The following HNRNPA2B1 variants were observed in gnomAD, a reference collection of about 807,000 sequenced individuals.
HNRNPA2B1 encodes heterogeneous nuclear ribonucleoprotein A2/B1.
A neutral mutation model predicts 46.3 loss-of-function variants in HNRNPA2B1; 3 were observed. That is an observed-to-expected ratio of 0.06 (90% confidence interval 0.03 to 0.17). HNRNPA2B1 has a LOEUF of 0.17. Ranked by LOEUF, HNRNPA2B1 falls within the 10% of genes least tolerant of loss-of-function variation. HNRNPA2B1 has a pLI of 1.00. For missense variants in HNRNPA2B1, 221 were observed against 418.9 expected (o/e 0.53, Z 4.12); for synonymous variants, 225 against 133.8 (o/e 1.68, Z -4.70).
intron 7 of HNRNPA2B1, among the ~76,000 whole-genome samples, chr7:26,195,272 T>C (rs1783430729): frequency 6.6e-6 from 1 of 152,150 alleles, no homozygotes; most frequent in Non-Finnish European, 1.5e-5. Context: ...AAATCAAGTC[T>C]ATTACCAGCT....
chr7:26,194,114 G>A (rs1178484625), intron 7 of HNRNPA2B1, among the ~76,000 whole-genome samples: 3 of 152,256 alleles, frequency 2.0e-5, no homozygotes, highest in South Asian at 2.1e-4. Context: ...CAATGTTCTC[G>A]GTTGGGCACA....
rs1048755677 is a variant in HNRNPA2B1, at chr7:26,190,892, T to TAG, written c.*1466_*1467dup. The TAG allele has an allele frequency of 6.6e-6, 1 of 152,614 alleles. No homozygotes were observed. Among genetic ancestry groups the TAG allele is most frequent in the African/African-American group, 2.4e-5 (1 of 41,460 alleles). 9.5% of individuals were successfully genotyped at this position (152,614 alleles called of 1,614,324 possible). A position where few individuals can be genotyped will look rare whatever the true frequency, so the allele number is the denominator to read the frequency against. ...AACAAATGTCTTTAATAAAAACCCC[T>TAG]AGTTCACTCAAAATGTTTGATCCAA... On this transcript the variant is annotated 3_prime_UTR_variant, in exon 11 of 11. Transcript: ENST00000618183.
chr7:26,193,856 T>G (rs889199852), intron 7 of HNRNPA2B1, among the ~76,000 whole-genome samples, 162 bp from the exon 8 acceptor site: 3 of 152,224 alleles, frequency 2.0e-5, no homozygotes, highest in African/African-American at 7.2e-5. Flanking sequence ...TGGTAAACAT[T>G]TGGTGGCTGG....
intron 6 of HNRNPA2B1, among the ~76,000 whole-genome samples, 195 bp from the exon 7 acceptor site, chr7:26,196,104 A>G (rs1458497285): frequency 1.3e-5 from 2 of 152,254 alleles, no homozygotes; most frequent in Non-Finnish European, 2.9e-5. Flanking sequence ...ACTCTTAACA[A>G]GTCTCAATCT....
In HNRNPA2B1 at chr7:26,200,555, G is replaced by A. The variant is rs1027258650; in HGVS notation, c.6+17C>T. The A allele has an allele frequency of 6.2e-7, 1 of 1,612,968 alleles. No homozygotes were observed. The highest frequency in any genetic ancestry group is 8.5e-7 in the Non-Finnish European group (1 of 1,179,902). On this transcript the variant is annotated intron_variant, in intron 1 of 10. Coordinates refer to ENST00000618183, the MANE Select transcript of HNRNPA2B1 (RefSeq NM_002137.4). ...GCCATGCCCTTTTCAATAACTCATT[G>A]ATTTCAAACCCGTTACCTCCATCGC...
chr7:26,196,011 A>G (rs922344832), intron 6 of HNRNPA2B1, 102 bp from the exon 7 acceptor site: 17 of 1,443,802 alleles, frequency 1.2e-5, no homozygotes, highest in African/African-American at 8.7e-5. Flanking sequence ...ATAATTAAGA[A>G]CCGCAGAAAA....
At chr7:26,199,048 T>C (rs1000830022) in intron 1 of HNRNPA2B1, 5 of 152,218 alleles carry the variant, frequency 3.3e-5, no homozygotes, top group South Asian at 2.1e-4. Context: ...CTTGTCACGA[T>C]AGTTATTTTC....
Position 26,196,695 on chromosome 7 carries a change from C to T in HNRNPA2B1, c.476-37G>A, listed in dbSNP as rs1178382867. ...AATTCAGACTCCTTTTAAATTAAAT[C>T]AACAATATTAAGCAGCTTCAAAAGT... On this transcript the variant is annotated intron_variant, in intron 4 of 10. Transcript: ENST00000618183. 13 of 1,583,824 alleles carry T rather than the reference C, an allele frequency of 8.2e-6. 1 individual carries two copies. The highest frequency in any genetic ancestry group is 2.2e-5 in the East Asian group (1 of 44,476).
intron 1 of HNRNPA2B1, chr7:26,198,742 G>C (rs1029545415): frequency 6.6e-6 from 1 of 152,244 alleles, no homozygotes; most frequent in African/African-American, 2.4e-5. Flanking sequence ...CCTCAAACGA[G>C]AGAAAGTGAT....
intron 4 of HNRNPA2B1, 34 bp downstream of exon 4, chr7:26,196,773 G>A (rs1380114553): frequency 8.2e-6 from 13 of 1,592,092 alleles, no homozygotes; most frequent in Non-Finnish European, 1.1e-5. Context: ...GAATACACTG[G>A]AAAAAAACAG....
chr7:26,193,113 T>G, intron 9 of HNRNPA2B1, 138 bp downstream of exon 9: 1 of 798,448 alleles, frequency 1.3e-6, no homozygotes, highest in Admixed American at 2.7e-5. Context: ...TTATGCAAAA[T>G]TTCTTTATTT....
At chr7:26,193,106 T>C (rs1431543531) in intron 9 of HNRNPA2B1, 145 bp downstream of exon 9, 6 of 746,056 alleles carry the variant, frequency 8.0e-6, no homozygotes, top group Admixed American at 2.8e-5. Context: ...TGGAGATTTA[T>C]GCAAAATTTC....
chr7:26,197,112 A>AC lies in HNRNPA2B1; in HGVS notation c.265-96dup, dbSNP rs532321476. On this transcript the variant is annotated intron_variant, in intron 3 of 10. Transcript: ENST00000618183. ...GTAGTACCATACTTCGCTTGTATCC[A>AC]CCTTAAAACTACCAGATATAAAATA... The AC allele has an allele frequency of 1.5e-4, 165 of 1,112,982 alleles. 1 individual carries two copies. The African/African-American group carries it at 2.4e-3, about 16-fold the overall frequency. The allele number at this position is 1,112,982 out of a possible 1,614,324, so 68.9% of individuals were successfully genotyped here.
intron 1 of HNRNPA2B1, chr7:26,200,071 G>T (rs772112181): frequency 1.8e-5 from 3 of 169,892 alleles, no homozygotes; most frequent in Non-Finnish European, 2.6e-5. Context: ...TCTTGATAGA[G>T]AAAGCACACT....
intron 3 of HNRNPA2B1, 119 bp downstream of exon 3, chr7:26,197,196 C>A (rs1475277997): frequency 7.7e-7 from 1 of 1,295,754 alleles, no homozygotes; most frequent in Non-Finnish European, 1.1e-6. Flanking sequence ...TCCAGAAACC[C>A]AACACACCTT....
rs974979388 is a variant in HNRNPA2B1, at chr7:26,200,720, C to T, written c.-143G>A. ...GAAACAACTCTGCGAGGAGCACCTC[C>T]GCACGGGACCCGGCGCTGCTGCTAC... On this transcript the variant is annotated 5_prime_UTR_variant, in exon 1 of 11. Transcript: ENST00000618183. The T allele has an allele frequency of 9.7e-6, 10 of 1,026,140 alleles. No individual in the cohort carries two copies. Among genetic ancestry groups the T allele is most frequent in the East Asian group, 7.1e-5 (3 of 42,048 alleles). 63.6% of individuals were successfully genotyped at this position (1,026,140 alleles called of 1,614,324 possible).
At chr7:26,192,706 C>A in intron 9 of HNRNPA2B1, 129 bp from the exon 10 acceptor site, 1 of 752,662 alleles carries the variant, frequency 1.3e-6, no homozygotes. Context: ...CCTTTGCAGC[C>A]AGTTAGCAGA....
At chr7:26,196,279 A>G in intron 6 of HNRNPA2B1, 122 bp downstream of exon 6, 1 of 767,464 alleles carries the variant, frequency 1.3e-6, no homozygotes, top group Middle Eastern at 2.4e-4. Context: ...CCAGGATACA[A>G]TCTATTTGAA....
At position 26,193,316 on chromosome 7, in the gene HNRNPA2B1, T is replaced by C. The variant is rs1301266606; in HGVS notation, c.899A>G (p.Asn300Ser). 1 of 1,612,496 alleles carries C rather than the reference T, an allele frequency of 6.2e-7. No homozygotes were observed. The highest frequency in any genetic ancestry group is 1.1e-5 in the South Asian group (1 of 91,034). Residue 300 changes from asparagine (N) to serine (S), a missense_variant, in exon 9 of 11, where the codon AAC (asparagine) becomes AGC (serine). Transcript: ENST00000618183. ...DFGNYNQQPS[N>S]YGPMKSGNFG... ...GTTTCCACTCTTCATTGGACCGTAG[T>C]TAGAAGGTTGCTGGTTATAATTTCC...
Sources: allele counts gnomAD v4.1 joint callset (sites outside exome capture counted in the v4.1 genomes callset), GRCh38; gene constraint gnomAD v4.1.1; transcripts MANE v1.5; gene names NCBI Gene and HGNC (gene_info 2026-07-23, HGNC 2026-07-21).